Variants in RALGPS2 observed in about 807,000 individuals in gnomAD.
RALGPS2 encodes the protein Ral GEF with PH domain and SH3 binding motif 2, also known as ras-specific guanine nucleotide-releasing factor RalGPS2.
Under a neutral mutation model 86.8 loss-of-function variants are expected in RALGPS2, and 43 were observed. That is an observed-to-expected ratio of 0.50 (90% CI 0.39 to 0.64). RALGPS2 has a LOEUF of 0.64. Ranked by LOEUF, RALGPS2 falls within the 30% of genes least tolerant of loss-of-function variation. The pLI is 0.00. For missense variants in RALGPS2, 536 were observed against 694.6 expected (o/e 0.77, Z 2.57); for synonymous variants, 243 against 231.3 (o/e 1.05, Z -0.46).
intron 4 of RALGPS2, among the ~76,000 whole-genome samples, chr1:178,799,599 A>T (rs1003264896): frequency 1.2e-4 from 19 of 152,090 alleles, no homozygotes; most frequent in Non-Finnish European, 1.9e-4. Context: ...GGAAAATGAG[A>T]ACCCCTTTTC....
intron 1 of RALGPS2, among the ~76,000 whole-genome samples, chr1:178,729,345 ATT>A: frequency 1.3e-5 from 2 of 152,046 alleles, no homozygotes; most frequent in East Asian, 3.9e-4. Flanking sequence ...TCCCTCTCTG[ATT>A]GTAAGCTTCA....
Position 178,889,649 on chromosome 1 carries a change from C to T in RALGPS2, c.1200C>T (p.Ser400=). 6.2e-7 allele frequency: 1 copy of T among 1,604,164 alleles called. No homozygotes were observed. Among genetic ancestry groups the T allele is most frequent in the East Asian group, 2.2e-5 (1 of 44,472 alleles). The change falls in exon 14 of 20, where the codon AGC becomes AGT. Residue 400 remains serine, a synonymous_variant. Coordinates refer to ENST00000367635, the MANE Select transcript of RALGPS2 (RefSeq NM_152663.5). ...TLSSGISIGS[S]DGSELSEETS... ...GATAACTTTTCATTTTAGGTAGCAGCGATGGTTCTGAACTAAGTGAAGAGA... is the reference window on the plus strand; with the variant it reads ...GATAACTTTTCATTTTAGGTAGCAGTGATGGTTCTGAACTAAGTGAAGAGA...
intron 1 of RALGPS2, among the ~76,000 whole-genome samples, chr1:178,761,703 G>C (rs1278884785): frequency 1.3e-5 from 2 of 151,888 alleles, no homozygotes; most frequent in Non-Finnish European, 2.9e-5. Context: ...TGAGATTACA[G>C]GCACGCACCA....
Position 178,917,944 on chromosome 1 carries a change from A to C in RALGPS2, c.*1585A>C, listed in dbSNP as rs1250604673. 1 of 152,164 alleles carries C rather than the reference A, an allele frequency of 6.6e-6. No homozygotes were observed. Among genetic ancestry groups the C allele is most frequent in the Non-Finnish European group, 1.5e-5 (1 of 67,998 alleles). 9.4% of individuals were successfully genotyped at this position (152,164 alleles called of 1,614,324 possible). On this transcript the variant is annotated 3_prime_UTR_variant, in exon 20 of 20. Transcript: ENST00000367635. ...TTCTTAGAGAATTTTATACTTTTTT[A>C]TTATAAGTATTTTGCCCTTGAGTCC...
At chr1:178,780,823 T>G (rs1224360257) in intron 2 of RALGPS2, among the ~76,000 whole-genome samples, 1 of 152,180 alleles carries the variant, frequency 6.6e-6, no homozygotes. Flanking sequence ...AAGCCTCTCC[T>G]AATCCCTTAA....
intron 1 of RALGPS2, among the ~76,000 whole-genome samples, chr1:178,773,656 C>T (rs978353796): frequency 2.0e-5 from 3 of 151,784 alleles, no homozygotes; most frequent in Non-Finnish European, 2.9e-5. Context: ...ATTAGCCGGG[C>T]GTGGTGGCGG....
At chr1:178,905,251 A>G (rs772260612) in intron 18 of RALGPS2, among the ~76,000 whole-genome samples, 5 of 152,202 alleles carry the variant, frequency 3.3e-5, no homozygotes, top group Non-Finnish European at 7.3e-5. Context: ...ACGAAATTAC[A>G]TTTCAAGATG....
intron 8 of RALGPS2, among the ~76,000 whole-genome samples, chr1:178,874,947 A>C (rs1658936220): frequency 6.6e-6 from 1 of 152,238 alleles, no homozygotes; most frequent in South Asian, 2.1e-4. Flanking sequence ...TTCTCACACA[A>C]ATATGAAATG....
At chr1:178,857,516 A>G (rs1245500157) in intron 8 of RALGPS2, among the ~76,000 whole-genome samples, 1 of 152,184 alleles carries the variant, frequency 6.6e-6, no homozygotes, top group African/African-American at 2.4e-5. Context: ...TGTAGCGCAC[A>G]TGGTAGCAAA....
At chr1:178,730,258 C>T (rs1415417752) in intron 1 of RALGPS2, among the ~76,000 whole-genome samples, 1 of 152,076 alleles carries the variant, frequency 6.6e-6, no homozygotes, top group Non-Finnish European at 1.5e-5. Context: ...TTCAGTTTTC[C>T]TGTTTTTCAA....
At chr1:178,793,052 A>G (rs942282326) in intron 4 of RALGPS2, among the ~76,000 whole-genome samples, 1 of 152,186 alleles carries the variant, frequency 6.6e-6, no homozygotes, top group Non-Finnish European at 1.5e-5. Context: ...ATGGGTGCTC[A>G]ATAAATCCTT....
intron 2 of RALGPS2, among the ~76,000 whole-genome samples, chr1:178,782,005 C>T (rs1653413943): frequency 6.6e-6 from 1 of 152,098 alleles, no homozygotes; most frequent in Non-Finnish European, 1.5e-5. Flanking sequence ...TAGAATTCAT[C>T]ACTCCTGTCC....
At position 178,906,791 on chromosome 1, in the gene RALGPS2, T is replaced by C; in HGVS notation, c.1646T>C (p.Phe549Ser). Residue 549 changes from phenylalanine to serine, a missense_variant, in exon 19 of 20, where the codon TTT becomes TCT. This residue lies in a region of RALGPS2 where 309 missense variants were observed against 363.0 expected (regional missense o/e 0.85). Transcript: ENST00000367635. Reference sequence around the variant, plus strand: ...ATAATTTTAGGAAATTCGTACAAGTTTCAAGCTGGCAATAGAATGAATGCA... The same window carrying C: ...ATAATTTTAGGAAATTCGTACAAGTCTCAAGCTGGCAATAGAATGAATGCA... ...TDSEKGNSYK[F>S]QAGNRMNAML... The C allele has an allele frequency of 6.2e-7, 1 of 1,610,260 alleles. No individual in the cohort carries two copies. The highest frequency in any genetic ancestry group is 1.1e-5 in the South Asian group (1 of 89,678).
chr1:178,764,046 G>T (rs1237049821), intron 1 of RALGPS2, among the ~76,000 whole-genome samples: 1 of 151,836 alleles, frequency 6.6e-6, no homozygotes, highest in Non-Finnish European at 1.5e-5. Flanking sequence ...TGAATGATCT[G>T]CCTGTTGTCA....
chr1:178,844,943 G>T (rs1439829480), intron 8 of RALGPS2, among the ~76,000 whole-genome samples: 1 of 152,048 alleles, frequency 6.6e-6, no homozygotes, highest in Non-Finnish European at 1.5e-5. Context: ...ACTTTGGGAG[G>T]CTGAGGCAGG....
chr1:178,785,418 G>T, intron 3 of RALGPS2, 139 bp from the exon 4 acceptor site: 1 of 690,776 alleles, frequency 1.4e-6, no homozygotes, highest in South Asian at 4.5e-5. Flanking sequence ...TGGTACAGGG[G>T]CTAAATTTTG....
chr1:178,767,358 C>CTTTTTTTTTTTTTT (rs1159630163), intron 1 of RALGPS2, among the ~76,000 whole-genome samples: 17 of 70,432 alleles, frequency 2.4e-4, no homozygotes, highest in Non-Finnish European at 2.8e-4. Context: ...TGTCCTTTGG[C>CTTTTTTTTTTTTTT]TTTTTTTTTT....
intron 1 of RALGPS2, among the ~76,000 whole-genome samples, chr1:178,742,703 T>G (rs1341249082): frequency 6.6e-6 from 1 of 152,240 alleles, no homozygotes; most frequent in Admixed American, 6.5e-5. Context: ...GACTATGTTT[T>G]GGTCCACAAA....
intron 1 of RALGPS2, chr1:178,747,846 C>A (rs962301612): frequency 1.7e-6 from 1 of 597,898 alleles, no homozygotes; most frequent in African/African-American, 1.9e-5. Flanking sequence ...TTACATTAAT[C>A]ATAATGTTAA....
Sources: allele counts gnomAD v4.1 joint callset (sites outside exome capture counted in the v4.1 genomes callset), GRCh38; gene constraint gnomAD v4.1.1; regional missense constraint gnomAD v4.1.1; transcripts MANE v1.5; gene names NCBI Gene and HGNC (gene_info 2026-07-23, HGNC 2026-07-21).